OPCML: variants seen among roughly 807,000 people sequenced by gnomAD.
OPCML encodes the protein opioid binding protein/cell adhesion molecule like, also known as opioid-binding protein/cell adhesion molecule.
OPCML carries 13 observed loss-of-function variants against 37.8 expected under a neutral mutation model. The observed-to-expected ratio is 0.34, with a 90% CI of 0.22 to 0.55. The LOEUF is 0.55. Among genes scored for constraint, OPCML ranks in the 20% least tolerant of loss-of-function variants. The probability of loss-of-function intolerance (pLI) is 0.91; values close to 1 mark genes in which losing one functional copy is unlikely to be tolerated. For synonymous variants in OPCML, 176 were observed against 168.8 expected (o/e 1.04, Z -0.33); for missense variants, 341 against 435.6 (o/e 0.78, Z 1.93).
intron 1 of OPCML, among the ~76,000 whole-genome samples, chr11:133,037,014 A>G (rs533181712): frequency 4.6e-4 from 70 of 152,066 alleles, no homozygotes; most frequent in Non-Finnish European, 8.7e-4. Context: ...TCTCCCGGCC[A>G]CCCTGGCTCA....
chr11:132,861,945 T>C (rs1942323526), intron 2 of OPCML, among the ~76,000 whole-genome samples: 1 of 152,140 alleles, frequency 6.6e-6, no homozygotes, highest in Non-Finnish European at 1.5e-5. Flanking sequence ...CTGGTACTTG[T>C]TTAGTCTTTT....
chr11:133,249,365 A>G (rs532485272), intron 1 of OPCML, among the ~76,000 whole-genome samples: 3 of 152,310 alleles, frequency 2.0e-5, no homozygotes, highest in Non-Finnish European at 2.9e-5. Context: ...TAAAAGAGTG[A>G]GAACTCACTC....
In OPCML at chr11:132,735,593, C is replaced by G. The variant is rs150498455; in HGVS notation, c.147-78274G>C. On this transcript the variant is annotated intron_variant, in intron 2 of 7. Transcript: ENST00000524381. ...GTTCCTCACGGGTTTACACCACTCT[C>G]CTACCTCAGCCTCCCGAGTAGCTGG... Among the ~76,000 whole-genome samples the G allele has an allele frequency of 3.5e-3, 537 of 152,220 alleles. 7 individuals are homozygous for G. Among genetic ancestry groups the G allele is most frequent in the African/African-American group, 0.013 (520 of 41,548 alleles).
chr11:133,004,594 G>A (rs915362293), intron 1 of OPCML: 6 of 985,344 alleles, frequency 6.1e-6, no homozygotes, highest in East Asian at 1.1e-4. Flanking sequence ...TGCTCCATGC[G>A]AAGGGTCTGC....
intron 1 of OPCML, among the ~76,000 whole-genome samples, chr11:132,959,460 T>C (rs1028702293): frequency 2.0e-5 from 3 of 152,242 alleles, no homozygotes; most frequent in African/African-American, 4.8e-5. Flanking sequence ...TTGAGAGGAC[T>C]GTCTCCAATT....
At chr11:133,222,799 G>A (rs568363787) in intron 1 of OPCML, among the ~76,000 whole-genome samples, 2 of 151,988 alleles carry the variant, frequency 1.3e-5, no homozygotes, top group Non-Finnish European at 2.9e-5. Flanking sequence ...GCGTGGAGGT[G>A]GGGGGAGCAA....
At chr11:133,294,362 T>G (rs1463633259) in intron 1 of OPCML, among the ~76,000 whole-genome samples, 1 of 152,186 alleles carries the variant, frequency 6.6e-6, no homozygotes, top group Non-Finnish European at 1.5e-5. Context: ...CTATCACTGC[T>G]GGGCAGCACC....
chr11:132,848,287 C>A (rs545980940), intron 2 of OPCML, among the ~76,000 whole-genome samples: 1 of 152,246 alleles, frequency 6.6e-6, no homozygotes, highest in South Asian at 2.1e-4. Context: ...GAATATGCTC[C>A]CTGCTGTGAA....
rs118094812 is a variant in OPCML at position 133,179,611 on chromosome 11, G to A, written c.62-236601C>T. On this transcript the variant is annotated intron_variant, in intron 1 of 7. Coordinates refer to ENST00000524381, the MANE Select transcript of OPCML (RefSeq NM_001012393.5). ...ATACTGAGAGGTCAAAGGAGAGCAC[G>A]ACCCATTCTGAAGAAGCTCAGAGTC... 6.3e-3 allele frequency among the ~76,000 whole-genome samples: 955 copies of A among 152,252 alleles called. 12 individuals carry two copies. The highest frequency in any genetic ancestry group is 0.01 in the Non-Finnish European group (710 of 68,020).
At chr11:133,128,472 C>A (rs1292555695) in intron 1 of OPCML, among the ~76,000 whole-genome samples, 3 of 152,174 alleles carry the variant, frequency 2.0e-5, no homozygotes, top group Non-Finnish European at 4.4e-5. Flanking sequence ...CTTTTCTGTA[C>A]CACTCCCTGA....
At chr11:132,976,947 T>C (rs758305711) in intron 1 of OPCML, among the ~76,000 whole-genome samples, 2 of 152,190 alleles carry the variant, frequency 1.3e-5, no homozygotes, top group African/African-American at 2.4e-5. Flanking sequence ...AAATTTTCAT[T>C]GTCTTGGGGA....
chr11:133,470,643 G>A (rs1367517479), intron 1 of OPCML, among the ~76,000 whole-genome samples: 1 of 152,236 alleles, frequency 6.6e-6, no homozygotes, highest in East Asian at 1.9e-4. Context: ...TCATCCTGAA[G>A]TGGGCTTGAT....
intron 1 of OPCML, among the ~76,000 whole-genome samples, chr11:133,327,428 G>A (rs1410585338): frequency 1.3e-5 from 2 of 151,948 alleles, no homozygotes; most frequent in African/African-American, 4.8e-5. Flanking sequence ...TCCATCTGGA[G>A]TGTCAACTGC....
chr11:133,294,403 C>T (rs1340906934), intron 1 of OPCML, among the ~76,000 whole-genome samples: 1 of 152,142 alleles, frequency 6.6e-6, no homozygotes, highest in African/African-American at 2.4e-5. Flanking sequence ...CTTGAGCCAC[C>T]TCTTTTCCTT....
At chr11:133,418,040 A>G (rs1487406902) in intron 1 of OPCML, 10 of 983,144 alleles carry the variant, frequency 1.0e-5, no homozygotes, top group Non-Finnish European at 1.2e-5. Context: ...GAGAAGATAC[A>G]GGGCAGAGAG....
intron 1 of OPCML, among the ~76,000 whole-genome samples, chr11:133,369,170 G>C (rs1389088214): frequency 6.6e-6 from 1 of 152,102 alleles, no homozygotes; most frequent in Non-Finnish European, 1.5e-5. Context: ...AGAAAAACAT[G>C]GGCCCTGGCT....
In OPCML at chr11:132,418,370, C is replaced by T. The variant is rs534573417; in HGVS notation, c.*1823G>A. Reference sequence around the variant, plus strand: ...GCAACTTTGCTGGATGAGTCCTTCTCGTCCCAGGAGACAAGACAGCAAAGG... The same window carrying T: ...GCAACTTTGCTGGATGAGTCCTTCTTGTCCCAGGAGACAAGACAGCAAAGG... On this transcript the variant is annotated 3_prime_UTR_variant, in exon 8 of 8. Transcript: ENST00000524381. The T allele has an allele frequency of 2.6e-5, 4 of 152,372 alleles. No individual in the cohort carries two copies. Among genetic ancestry groups the T allele is most frequent in the East Asian group, 1.9e-4 (1 of 5,176 alleles). The allele number at this position is 152,372 out of a possible 1,614,324, so 9.4% of individuals were successfully genotyped here. A position where few individuals can be genotyped will look rare whatever the true frequency, so the allele number is the denominator to read the frequency against.
At position 132,867,029 on chromosome 11, in the gene OPCML, T is replaced by G. The variant is rs1301745254; in HGVS notation, c.146+75897A>C. Among the ~76,000 whole-genome samples, 6 of 152,214 alleles carry G rather than the reference T, an allele frequency of 3.9e-5. No homozygotes were observed. The East Asian group carries it at 1.2e-3, about 29-fold the overall frequency. On this transcript the variant is annotated intron_variant, in intron 2 of 7. Coordinates refer to ENST00000524381, the MANE Select transcript of OPCML (RefSeq NM_001012393.5). ...CAATGCATGACACATCCTTTTCACT[T>G]AGACTTGCTGAGGCCCTTTGTGATT...
At chr11:132,553,371 AT>A (rs1227439081) in intron 3 of OPCML, among the ~76,000 whole-genome samples, 4 of 152,204 alleles carry the variant, frequency 2.6e-5, no homozygotes, top group Non-Finnish European at 5.9e-5. Flanking sequence ...GGAGACAGCC[AT>A]TTACTCCTAA....
Sources: gnomAD v4.1 joint callset for allele counts (sites outside exome capture counted in the v4.1 genomes callset) on GRCh38, gnomAD v4.1.1 for gene constraint, MANE v1.5 for transcripts, NCBI Gene and HGNC (gene_info 2026-07-23, HGNC 2026-07-21) for gene names.